Variants in DHRS12 observed in about 807,000 individuals in gnomAD.
DHRS12 encodes the protein dehydrogenase/reductase SDR family member 12.
In DHRS12, 29 loss-of-function variants were observed where a neutral mutation model predicts 32.1. The observed-to-expected ratio is 0.90, with a 90% CI of 0.67 to 1.23. The LOEUF (loss-of-function observed/expected upper bound fraction) is 1.23, where lower values mean the gene tolerates loss of function less well. Among genes scored for constraint, DHRS12 ranks in the 50% most tolerant of loss-of-function variants. DHRS12 has a pLI of 0.00. For synonymous variants in DHRS12, 150 were observed against 135.9 expected, an observed-to-expected ratio of 1.10 and a Z score of -0.72; for missense variants, 330 against 337.2, an observed-to-expected ratio of 0.98 and a Z score of 0.17.
intron 8 of DHRS12, 40 bp from the exon 9 acceptor site, chr13:51,768,336 G>A: frequency 6.5e-7 from 1 of 1,534,580 alleles, no homozygotes; most frequent in Non-Finnish European, 8.7e-7. Context: ...GTGAGCTGCT[G>A]CAGCGTGGCT....
At position 51,801,336 on chromosome 13, in the gene DHRS12, G is replaced by A. The variant is rs141277942; in HGVS notation, c.-8-1669C>T. Among the ~76,000 whole-genome samples, 355 of 152,194 alleles carry A rather than the reference G, an allele frequency of 2.3e-3. 1 individual carries two copies. The South Asian group carries it at 0.024, about 10-fold the overall frequency. On this transcript the variant is annotated intron_variant, in intron 1 of 8. Transcript: ENST00000444610. ...TGAGTAGCTGGGGTTATAAGCGCCCGTCACCACACCCGGCTAATTTTTGTA... is the reference window on the plus strand; with the variant it reads ...TGAGTAGCTGGGGTTATAAGCGCCCATCACCACACCCGGCTAATTTTTGTA...
downstream of DHRS12, chr13:51,767,912 T>TTCA (rs1323685863): frequency 1.9e-6 from 2 of 1,067,484 alleles, no homozygotes; most frequent in African/African-American, 3.3e-5. Flanking sequence ...GAAATGATGG[T>TTCA]TCATCTCAAA....
At chr13:51,787,813 AT>A (rs1368573677) in intron 4 of DHRS12, among the ~76,000 whole-genome samples, 1 of 125,250 alleles carries the variant, frequency 8.0e-6, no homozygotes, top group African/African-American at 3.0e-5. Flanking sequence ...TTTATATATA[AT>A]TTATATATTA....
At chr13:51,790,161 C>G in intron 3 of DHRS12, 69 bp from the exon 4 acceptor site, 1 of 1,167,996 alleles carries the variant, frequency 8.6e-7, no homozygotes. Context: ...CATCCCCACA[C>G]CTCCACTACC....
At chr13:51,773,881 C>T (rs776452752) in intron 6 of DHRS12, 49 bp downstream of exon 6, 6 of 1,528,230 alleles carry the variant, frequency 3.9e-6, no homozygotes, top group Non-Finnish European at 5.4e-6. Flanking sequence ...GAAAAGGGCC[C>T]TCGCAGCCCG....
intron 6 of DHRS12, among the ~76,000 whole-genome samples, chr13:51,772,465 A>C (rs1195411684): frequency 1.3e-5 from 2 of 152,218 alleles, no homozygotes; most frequent in Non-Finnish European, 2.9e-5. Flanking sequence ...TCTACTAAAA[A>C]TGCAAAAATT....
chr13:51,798,462 A>C (rs1275882509), intron 2 of DHRS12, among the ~76,000 whole-genome samples: 2 of 152,188 alleles, frequency 1.3e-5, no homozygotes, highest in Non-Finnish European at 2.9e-5. Flanking sequence ...TTAAAGCAGA[A>C]TGCCTTCGCC....
intron 1 of DHRS12, among the ~76,000 whole-genome samples, chr13:51,800,903 G>A (rs1014719839): frequency 2.0e-5 from 3 of 152,238 alleles, no homozygotes; most frequent in African/African-American, 7.2e-5. Flanking sequence ...TGCTTCTGCT[G>A]TGAGTGGCAA....
the DHRS12 span, chr13:51,755,338 T>C: frequency 6.2e-7 from 1 of 1,612,960 alleles, no homozygotes; most frequent in Non-Finnish European, 8.5e-7. Flanking sequence ...AGTGACCTGT[T>C]CTGTGCTTTA....
At chr13:51,785,398 C>T (rs923395480) in intron 4 of DHRS12, among the ~76,000 whole-genome samples, 9 of 151,540 alleles carry the variant, frequency 5.9e-5, no homozygotes, top group African/African-American at 1.9e-4. Context: ...ATTCTCTCCT[C>T]GCCACCTCTG....
intron 4 of DHRS12, among the ~76,000 whole-genome samples, chr13:51,786,529 A>G (rs1435988728): frequency 6.6e-6 from 1 of 152,202 alleles, no homozygotes; most frequent in Non-Finnish European, 1.5e-5. Context: ...CCATGGCTCA[A>G]CTGTGCATCA....
At chr13:51,755,069 A>G in the DHRS12 span, among the ~76,000 whole-genome samples, 1 of 152,156 alleles carries the variant, frequency 6.6e-6, no homozygotes, top group Non-Finnish European at 1.5e-5. Flanking sequence ...CTCTCTGCCA[A>G]AGCACTCTGT....
the DHRS12 span, chr13:51,759,698 C>A: frequency 6.2e-7 from 1 of 1,610,480 alleles, no homozygotes; most frequent in South Asian, 1.1e-5. Flanking sequence ...TTATCCTCAA[C>A]ACAATTTTAG....
intron 4 of DHRS12, 102 bp from the exon 5 acceptor site, chr13:51,777,223 A>G: frequency 7.4e-7 from 1 of 1,360,162 alleles, no homozygotes; most frequent in Non-Finnish European, 1.0e-6. Flanking sequence ...CCCGCCCCCC[A>G]CAAGAGGGCA....
Sources: allele counts gnomAD v4.1 joint callset (sites outside exome capture counted in the v4.1 genomes callset), GRCh38; gene constraint gnomAD v4.1.1; transcripts MANE v1.5; gene names NCBI Gene and HGNC (gene_info 2026-07-23, HGNC 2026-07-21).